Variants in PAPPA observed in about 807,000 individuals in gnomAD.
PAPPA encodes the protein pappalysin-1.
PAPPA carries 60 observed loss-of-function variants against 164.0 expected under a neutral mutation model. The ratio of observed to expected loss-of-function variants is 0.37; its 90% confidence interval spans 0.30 to 0.45. The LOEUF (loss-of-function observed/expected upper bound fraction) is 0.45. Among genes scored for constraint, PAPPA ranks in the 20% least tolerant of loss-of-function variants. PAPPA has a pLI of 1.00. For missense variants in PAPPA, 1,782 were observed against 2,087.3 expected (o/e 0.85, Z 2.85); for synonymous variants, 875 against 814.1 (o/e 1.07, Z -1.27).
chr9:116,368,514 C>T (rs1846531691), intron 19 of PAPPA, among the ~76,000 whole-genome samples: 1 of 152,218 alleles, frequency 6.6e-6, no homozygotes, highest in Admixed American at 6.5e-5. Context: ...CAGAGGCCCC[C>T]TCCTCAGGGC....
chr9:116,170,342 T>A (rs1843762632), intron 1 of PAPPA, among the ~76,000 whole-genome samples: 1 of 152,152 alleles, frequency 6.6e-6, no homozygotes, highest in Admixed American at 6.5e-5. Flanking sequence ...TTTGGACCTT[T>A]TTTTCCTCTG....
intron 1 of PAPPA, among the ~76,000 whole-genome samples, chr9:116,170,891 A>T (rs1016018231): frequency 2.6e-5 from 4 of 152,114 alleles, no homozygotes; most frequent in Admixed American, 2.0e-4. Flanking sequence ...AAAAAAAAAA[A>T]AATCCCCTGA....
At chr9:116,349,532 A>T (rs1483928830) in intron 15 of PAPPA, among the ~76,000 whole-genome samples, 1 of 152,120 alleles carries the variant, frequency 6.6e-6, no homozygotes, top group Non-Finnish European at 1.5e-5. Context: ...TCTCTCCTTG[A>T]GTTCTGTTCT....
rs570928657 is a variant in PAPPA at position 116,200,583 on chromosome 9, A to G, written c.1479-6873A>G. ...AAATACTTCAACAGTTCCAGTGTGTAGTAAACTTTCCCAAATGGTAGTGTT... is the reference window on the plus strand; with the variant it reads ...AAATACTTCAACAGTTCCAGTGTGTGGTAAACTTTCCCAAATGGTAGTGTT... On this transcript the variant is annotated intron_variant, in intron 2 of 21. Coordinates refer to ENST00000328252, the MANE Select transcript of PAPPA (RefSeq NM_002581.5). Among the ~76,000 whole-genome samples the G allele has an allele frequency of 7.2e-4, 109 of 152,334 alleles. 1 individual carries two copies. Among genetic ancestry groups the G allele is most frequent in the African/African-American group, 2.5e-3 (105 of 41,576 alleles).
intron 10 of PAPPA, among the ~76,000 whole-genome samples, chr9:116,319,721 G>A (rs192463023): frequency 2.0e-5 from 3 of 152,318 alleles, no homozygotes; most frequent in Middle Eastern, 3.4e-3. Context: ...TAGAACTGAA[G>A]TAACACAGAC....
At chr9:116,385,297 C>T (rs10983129) in intron 21 of PAPPA, among the ~76,000 whole-genome samples, 41,606 of 149,704 alleles carry the variant, frequency 0.28, 5,956 homozygotes, top group African/African-American at 0.32. Flanking sequence ...ATTTGGAATC[C>T]ACACCTGAAC....
intron 9 of PAPPA, among the ~76,000 whole-genome samples, chr9:116,298,024 G>A (rs1845530504): frequency 6.6e-6 from 1 of 152,170 alleles, no homozygotes; most frequent in South Asian, 2.1e-4. Flanking sequence ...TTGAATCCAG[G>A]ATTTCTGACT....
chr9:116,292,497 G>GA (rs1275208441), intron 9 of PAPPA, among the ~76,000 whole-genome samples: 5 of 152,040 alleles, frequency 3.3e-5, no homozygotes, highest in Non-Finnish European at 7.4e-5. Context: ...AGGGTGAGCT[G>GA]AAAAAAAGTA....
chr9:116,332,400 A>T lies in PAPPA; in HGVS notation c.3329A>T (p.Tyr1110Phe), dbSNP rs1846004871. 6.2e-7 allele frequency: 1 copy of T among 1,614,044 alleles called. No individual in the cohort carries two copies. The highest frequency in any genetic ancestry group is 8.5e-7 in the Non-Finnish European group (1 of 1,179,894). The part of the protein sequence containing the change: ...IVHLVTDGTY[Y>F]GDQKQETISV... The stretch of plus-strand genomic sequence containing the variant: ...CACCTGGTGACGGATGGGACATATT[A>T]TGGGGACCAAAAGCAGGAGACCATC... The change falls in exon 12 of 22, where the codon TAT (tyrosine) becomes TTT (phenylalanine). Residue 1110 changes from tyrosine to phenylalanine, a missense_variant. Physicochemically the swap from Tyr to Phe is conservative, Grantham distance 22. Coordinates refer to ENST00000328252, the MANE Select transcript of PAPPA (RefSeq NM_002581.5).
At chr9:116,317,979 A>C in intron 10 of PAPPA, among the ~76,000 whole-genome samples, 1 of 152,246 alleles carries the variant, frequency 6.6e-6, no homozygotes, top group East Asian at 1.9e-4. Flanking sequence ...TTTTTAAATA[A>C]CGTGCTCAGA....
At chr9:116,205,129 C>A (rs1844217328) in intron 2 of PAPPA, among the ~76,000 whole-genome samples, 1 of 151,294 alleles carries the variant, frequency 6.6e-6, no homozygotes, top group Non-Finnish European at 1.5e-5. Context: ...AAGAGAGAGG[C>A]CTGGATTGCT....
chr9:116,284,704 G>A (rs930688033), intron 9 of PAPPA, among the ~76,000 whole-genome samples: 3 of 151,868 alleles, frequency 2.0e-5, no homozygotes, highest in Admixed American at 6.6e-5. Flanking sequence ...AACTGGTGGC[G>A]CCAGTAGCCA....
Position 116,154,320 on chromosome 9 carries a change from C to T in PAPPA, c.148C>T (p.Arg50Trp), listed in dbSNP as rs1470193464. 2 of 881,130 alleles carry T rather than the reference C, an allele frequency of 2.3e-6. No individual in the cohort carries two copies. Among genetic ancestry groups the T allele is most frequent in the East Asian group, 1.2e-4 (1 of 8,048 alleles). The allele number at this position is 881,130 out of a possible 1,614,324, so 54.6% of individuals were successfully genotyped here. Residue 50 changes from arginine (R) to tryptophan (W), a missense_variant, in exon 1 of 22, where the codon CGG (arginine) becomes TGG (tryptophan). Physicochemically the swap from Arg to Trp is moderately radical, Grantham distance 101. Coordinates refer to ENST00000328252, the MANE Select transcript of PAPPA (RefSeq NM_002581.5). The surrounding 1 kb of genome is among the most constrained non-coding windows in gnomAD (Gnocchi z 5.2). ...PAAGPATCAT[R>W]AARGRRASPP... ...CGCCGGCCCGGCCACCTGCGCCACC[C>T]GGGCGGCCCGCGGCCGCCGCGCCTC...
At chr9:116,247,622 A>C (rs952884123) in intron 7 of PAPPA, among the ~76,000 whole-genome samples, 3 of 152,354 alleles carry the variant, frequency 2.0e-5, no homozygotes, top group African/African-American at 7.2e-5. Context: ...AGGAAAGAGA[A>C]GGAAAATAAC....
rs1847029800 is a variant in PAPPA at position 116,400,201 on chromosome 9, T to C, written c.*3585T>C. On this transcript the variant is annotated 3_prime_UTR_variant, in exon 22 of 22. Transcript: ENST00000328252. Reference sequence around the variant, plus strand: ...GAGATTAAAAGGAAATAAAAATGCATGATTAAAAACTAAGAATAAAAAACC... The same window carrying C: ...GAGATTAAAAGGAAATAAAAATGCACGATTAAAAACTAAGAATAAAAAACC... 6.6e-6 allele frequency: 1 copy of C among 152,126 alleles called. No individual in the cohort carries two copies. Among genetic ancestry groups the C allele is most frequent in the South Asian group, 2.1e-4 (1 of 4,822 alleles). 9.4% of individuals were successfully genotyped at this position (152,126 alleles called of 1,614,324 possible).
intron 19 of PAPPA, among the ~76,000 whole-genome samples, chr9:116,374,790 G>C (rs16933465): frequency 8.1e-4 from 124 of 152,286 alleles, no homozygotes; most frequent in African/African-American, 2.8e-3. Context: ...ATTTTGACTG[G>C]GAACAGACTC....
intron 20 of PAPPA, among the ~76,000 whole-genome samples, chr9:116,379,355 CT>C (rs528932941): frequency 6.6e-6 from 1 of 152,194 alleles, no homozygotes; most frequent in Non-Finnish European, 1.5e-5. Flanking sequence ...TTGGGGACCC[CT>C]GAGCCCCTGT....
At chr9:116,377,755 G>A in intron 20 of PAPPA, 108 bp downstream of exon 20, 1 of 791,180 alleles carries the variant, frequency 1.3e-6, no homozygotes. Context: ...ACTGAGTGTT[G>A]AAAATATCCA....
intron 7 of PAPPA, among the ~76,000 whole-genome samples, chr9:116,260,199 A>G (rs928598861): frequency 6.6e-6 from 1 of 152,192 alleles, no homozygotes; most frequent in African/African-American, 2.4e-5. Flanking sequence ...TTTAAACTTG[A>G]TCAGTATTTA....
Sources: gnomAD v4.1 joint callset for allele counts (sites outside exome capture counted in the v4.1 genomes callset) on GRCh38, gnomAD v4.1.1 for gene constraint, Gnocchi (gnomAD v3.1) non-coding constraint, MANE v1.5 for transcripts, NCBI Gene and HGNC (gene_info 2026-07-23, HGNC 2026-07-21) for gene names.